Variants in FOXR1 observed in about 807,000 individuals in gnomAD.
The protein encoded by FOXR1 is forkhead box R1.
In FOXR1, 25 loss-of-function variants were observed where a neutral mutation model predicts 34.5. The ratio of observed to expected loss-of-function variants is 0.72; its 90% confidence interval spans 0.53 to 1.01. FOXR1 has a LOEUF of 1.01. FOXR1 is among the 50% of genes least tolerant of loss of function. The pLI is 0.00. For synonymous variants in FOXR1, 153 were observed against 141.6 expected (o/e 1.08, Z -0.57); for missense variants, 373 against 376.2 (o/e 0.99, Z 0.07).
At chr11:118,979,717 C>T (rs374630145) in intron 4 of FOXR1, 49 bp downstream of exon 4, 1,058 of 1,493,948 alleles carry the variant, frequency 7.1e-4, no homozygotes, top group Non-Finnish European at 9.0e-4. Flanking sequence ...GCCAGGGCCC[C>T]GGGCTGATGC....
chr11:118,974,474 G>A (rs1028527884), intron 1 of FOXR1, among the ~76,000 whole-genome samples: 1 of 152,230 alleles, frequency 6.6e-6, no homozygotes, highest in African/African-American at 2.4e-5. Flanking sequence ...GAGCAGAGGA[G>A]TGACATGCTC....
chr11:118,976,717 A>T (rs78949173), intron 1 of FOXR1, among the ~76,000 whole-genome samples: 3,043 of 152,316 alleles, frequency 0.02, 97 homozygotes, highest in African/African-American at 0.069. Flanking sequence ...AACTGCAGTA[A>T]AATAAGAGAT....
chr11:118,973,986 C>T (rs1941748352), intron 1 of FOXR1, among the ~76,000 whole-genome samples: 1 of 152,150 alleles, frequency 6.6e-6, no homozygotes, highest in South Asian at 2.1e-4. Context: ...GTGTGAGCCA[C>T]CGCGCCAGGC....
Position 118,978,270 on chromosome 11 carries a change from C to G in FOXR1, c.62-512C>G, listed in dbSNP as rs76935728. On this transcript the variant is annotated intron_variant, in intron 1 of 5. Coordinates refer to ENST00000317011, the MANE Select transcript of FOXR1 (RefSeq NM_181721.3). ...GGTGCAGTGGCATGTACCTGTAGTTCCAGCTACCTGGGAGACTGAGGTGGG... is the reference window on the plus strand; with the variant it reads ...GGTGCAGTGGCATGTACCTGTAGTTGCAGCTACCTGGGAGACTGAGGTGGG... 7.2e-3 allele frequency among the ~76,000 whole-genome samples: 1,100 copies of G among 151,750 alleles called. 15 individuals carry two copies. Among genetic ancestry groups the G allele is most frequent in the South Asian group, 0.027 (132 of 4,808 alleles).
chr11:118,980,064 G>C (rs1046635925), intron 4 of FOXR1, among the ~76,000 whole-genome samples: 1 of 152,150 alleles, frequency 6.6e-6, no homozygotes, highest in African/African-American at 2.4e-5. Flanking sequence ...GGGGTGCAGA[G>C]AACCCAGTTG....
intron 1 of FOXR1, among the ~76,000 whole-genome samples, chr11:118,975,945 C>T (rs1941774503): frequency 6.6e-6 from 1 of 152,192 alleles, no homozygotes; most frequent in African/African-American, 2.4e-5. Flanking sequence ...TTGGCCAAAC[C>T]ACAACCCTGA....
Position 118,979,125 on chromosome 11 carries a change from G to C in FOXR1, c.305G>C (p.Gly102Ala), listed in dbSNP as rs782134663. 1.2e-6 allele frequency: 2 copies of C among 1,603,242 alleles called. No homozygotes were observed. The highest frequency in any genetic ancestry group is 1.7e-6 in the Non-Finnish European group (2 of 1,175,242). Residue 102 changes from glycine to alanine, a missense_variant, in exon 3 of 6, where the codon GGG becomes GCG. Coordinates refer to ENST00000317011, the MANE Select transcript of FOXR1 (RefSeq NM_181721.3). ...EEDASCSEAA[G>A]VESLSQSSSK... ...GATGCCAGCTGCTCAGAGGCCGCAG[G>C]GGTGGAATCACTGTCCCAGTCCTCC...
rs184719397 is a variant in FOXR1 at position 118,981,237 on chromosome 11, C to G, written c.*1C>G. On this transcript the variant is annotated 3_prime_UTR_variant, in exon 6 of 6. Transcript: ENST00000317011. ...GATGCCCTTCCTCTTTGATCTTTAA[C>G]CCCAAGAAGCAACAGCCAGCTAATG... 3.1e-6 allele frequency: 5 copies of G among 1,614,010 alleles called. No individual in the cohort carries two copies. Among genetic ancestry groups the G allele is most frequent in the African/African-American group, 1.3e-5 (1 of 75,054 alleles).
chr11:118,978,017 CA>C (rs1368402015), intron 1 of FOXR1, among the ~76,000 whole-genome samples: 1 of 151,996 alleles, frequency 6.6e-6, no homozygotes, highest in Non-Finnish European at 1.5e-5. Context: ...AGGAGTTCGA[CA>C]CCAGCCTGGC....
At chr11:118,975,571 C>T (rs561994316) in intron 1 of FOXR1, among the ~76,000 whole-genome samples, 2 of 152,084 alleles carry the variant, frequency 1.3e-5, no homozygotes, top group African/African-American at 4.8e-5. Context: ...CCTCAGCTTT[C>T]CAAAGCAGGC....
chr11:118,974,229 T>C (rs1941751813), intron 1 of FOXR1, among the ~76,000 whole-genome samples: 1 of 152,168 alleles, frequency 6.6e-6, no homozygotes, highest in Non-Finnish European at 1.5e-5. Flanking sequence ...TGAGGATTGA[T>C]TGTAAGGTTT....
At chr11:118,977,488 G>A (rs534669899) in intron 1 of FOXR1, among the ~76,000 whole-genome samples, 61 of 152,148 alleles carry the variant, frequency 4.0e-4, no homozygotes, top group Admixed American at 2.1e-3. Context: ...GTTGGGAGGT[G>A]GAGATTGCAG....
intron 1 of FOXR1, among the ~76,000 whole-genome samples, chr11:118,974,107 A>C (rs1468178785): frequency 6.6e-6 from 1 of 152,140 alleles, no homozygotes; most frequent in Non-Finnish European, 1.5e-5. Flanking sequence ...ACTTGAAGGG[A>C]AAGTGGTAAG....
rs1436713973 is a variant in FOXR1, at chr11:118,978,941, C to T, written c.137-16C>T. The T allele has an allele frequency of 6.2e-7, 1 of 1,613,114 alleles. No individual in the cohort carries two copies. Among genetic ancestry groups the T allele is most frequent in the Admixed American group, 1.7e-5 (1 of 59,810 alleles). On this transcript the variant is annotated splice_polypyrimidine_tract_variant and intron_variant, in intron 2 of 5. Coordinates refer to ENST00000317011, the MANE Select transcript of FOXR1 (RefSeq NM_181721.3). ...AAGCCAGTGGGCTGTGGCACACAATCTTTTGTTCTGCACAGGTCCAGATTA... is the reference window on the plus strand; with the variant it reads ...AAGCCAGTGGGCTGTGGCACACAATTTTTTGTTCTGCACAGGTCCAGATTA...
intron 1 of FOXR1, 104 bp downstream of exon 1, chr11:118,972,096 T>C (rs1211156864): frequency 1.9e-4 from 171 of 914,582 alleles, no homozygotes; most frequent in East Asian, 7.4e-4. Context: ...CGCCCCCACC[T>C]CCCGGGGAGG....
Position 118,980,637 on chromosome 11 carries a change from G to A in FOXR1, c.759G>A (p.Leu253=), listed in dbSNP as rs782803686. 6.2e-7 allele frequency: 1 copy of A among 1,614,154 alleles called. No homozygotes were observed. The highest frequency in any genetic ancestry group is 8.5e-7 in the Non-Finnish European group (1 of 1,180,056). ...GGCCTCGATCTTGCCTCTGGAAGTTGACCGAGGAGGGACACCGCCGCTTTG... is the reference window on the plus strand; with the variant it reads ...GGCCTCGATCTTGCCTCTGGAAGTTAACCGAGGAGGGACACCGCCGCTTTG... The part of the protein sequence containing the change: ...STRPRSCLWK[L]TEEGHRRFAE... The change falls in exon 5 of 6, where the codon TTG becomes TTA. Residue 253 remains leucine, a synonymous_variant. Transcript: ENST00000317011.
At chr11:118,979,301 T>C (rs1282197413) in intron 3 of FOXR1, 97 bp downstream of exon 3, 3 of 1,495,238 alleles carry the variant, frequency 2.0e-6, no homozygotes, top group Non-Finnish European at 2.7e-6. Context: ...TAGCAAAAGG[T>C]GAATGGGTTC....
Position 118,979,634 on chromosome 11 carries a change from G to A in FOXR1, c.577G>A (p.Gly193Ser), listed in dbSNP as rs1475301082. 1 of 1,610,280 alleles carries A rather than the reference G, an allele frequency of 6.2e-7. No homozygotes were observed. The highest frequency in any genetic ancestry group is 1.1e-5 in the South Asian group (1 of 90,362). ...GGCATTAAGAAACAGTTCCCCCTGT[G>A]GCCTCAACGTGCAACAGATCTACAG... ...ALALRNSSPC[G>S]LNVQQIYSFT... Residue 193 changes from glycine (G) to serine (S), a missense_variant, in exon 4 of 6, where the codon GGC becomes AGC. Coordinates refer to ENST00000317011, the MANE Select transcript of FOXR1 (RefSeq NM_181721.3).
At chr11:118,980,358 C>A (rs782313057) in intron 4 of FOXR1, 132 bp from the exon 5 acceptor site, 21 of 1,060,372 alleles carry the variant, frequency 2.0e-5, no homozygotes, top group Non-Finnish European at 2.8e-5. Flanking sequence ...CAAAGAGCAA[C>A]TCCAGGCCAA....
Sources: gnomAD v4.1 joint callset for allele counts (sites outside exome capture counted in the v4.1 genomes callset) on GRCh38, gnomAD v4.1.1 for gene constraint, MANE v1.5 for transcripts, NCBI Gene and HGNC (gene_info 2026-07-23, HGNC 2026-07-21) for gene names.